Variants in CMIP observed in about 807,000 individuals in gnomAD.
The protein encoded by CMIP is C-Maf-inducing protein.
CMIP carries 13 observed loss-of-function variants against 97.3 expected under a neutral mutation model. The ratio of observed to expected loss-of-function variants is 0.13; its 90% CI spans 0.09 to 0.21. CMIP has a LOEUF of 0.21. Among genes scored for constraint, CMIP ranks in the 10% least tolerant of loss-of-function variants. The probability of loss-of-function intolerance (pLI) is 1.00; values close to 1 mark genes in which losing one functional copy is unlikely to be tolerated. For missense variants in CMIP, 847 were observed against 1,024.9 expected (o/e 0.83, Z 2.37); for synonymous variants, 538 against 436.3 (o/e 1.23, Z -2.91).
intron 9 of CMIP, among the ~76,000 whole-genome samples, chr16:81,674,359 C>G (rs2092709577): frequency 6.6e-6 from 1 of 152,200 alleles, no homozygotes; most frequent in African/African-American, 2.4e-5. Context: ...TCTTGATCTC[C>G]TGACCTCGTG....
chr16:81,533,203 C>T (rs145991543), intron 1 of CMIP, among the ~76,000 whole-genome samples: 8 of 152,254 alleles, frequency 5.3e-5, no homozygotes, highest in African/African-American at 1.9e-4. Context: ...TTTATTATTC[C>T]ATCCCACTAG....
intron 1 of CMIP, chr16:81,519,482 C>A (rs1236499566): frequency 6.6e-6 from 1 of 152,248 alleles, no homozygotes; most frequent in Non-Finnish European, 1.5e-5. Context: ...CTCAGGCACA[C>A]CCTTGCTGGG....
intron 7 of CMIP, chr16:81,666,847 T>A (rs2092608643): frequency 6.6e-6 from 1 of 152,192 alleles, no homozygotes. Flanking sequence ...CCTCATGGAA[T>A]CCTAACAACA....
Position 81,453,697 on chromosome 16 carries a change from G to A in CMIP, c.300+8156G>A, listed in dbSNP as rs1906375161. ...CGTAACACGCAGCCCTGGCATCTGGGTGGCTTCATGCAGCCCAGTTCTTGC... is the reference window on the plus strand; with the variant it reads ...CGTAACACGCAGCCCTGGCATCTGGATGGCTTCATGCAGCCCAGTTCTTGC... On this transcript the variant is annotated intron_variant, in intron 1 of 20. Transcript: ENST00000537098. The surrounding 1 kb of genome is among the most constrained non-coding windows in gnomAD (Gnocchi z 4.0). Among the ~76,000 whole-genome samples the A allele has an allele frequency of 6.6e-6, 1 of 152,254 alleles. No individual in the cohort carries two copies. The highest frequency in any genetic ancestry group is 1.5e-5 in the Non-Finnish European group (1 of 68,042).
intron 1 of CMIP, among the ~76,000 whole-genome samples, chr16:81,578,691 A>G (rs938321065): frequency 2.0e-5 from 3 of 152,204 alleles, no homozygotes; most frequent in Non-Finnish European, 4.4e-5. Flanking sequence ...GGTTTTTTGC[A>G]CGTGGGAGAC....
intron 3 of CMIP, among the ~76,000 whole-genome samples, chr16:81,636,598 A>G (rs937406420): frequency 1.3e-5 from 2 of 149,992 alleles, no homozygotes; most frequent in South Asian, 4.2e-4. Flanking sequence ...AAAAAAAAAA[A>G]AAAGTATGGC....
chr16:81,547,927 C>T (rs1391955650), intron 1 of CMIP, among the ~76,000 whole-genome samples: 1 of 152,158 alleles, frequency 6.6e-6, no homozygotes, highest in Non-Finnish European at 1.5e-5. Flanking sequence ...TCTGCTCTTC[C>T]TGTCACCCGA....
At chr16:81,471,130 CAT>C (rs1907508536) in intron 1 of CMIP, among the ~76,000 whole-genome samples, 1 of 152,216 alleles carries the variant, frequency 6.6e-6, no homozygotes, top group Non-Finnish European at 1.5e-5. Flanking sequence ...TGCATATACA[CAT>C]ATACATGCAT....
intron 10 of CMIP, among the ~76,000 whole-genome samples, chr16:81,685,033 T>C (rs1905239392): frequency 6.6e-6 from 1 of 152,190 alleles, no homozygotes; most frequent in African/African-American, 2.4e-5. Context: ...GAGAGGCCCA[T>C]GCACAAGAGG....
chr16:81,632,305 C>T (rs1295238452), intron 3 of CMIP, among the ~76,000 whole-genome samples: 1 of 152,246 alleles, frequency 6.6e-6, no homozygotes, highest in Non-Finnish European at 1.5e-5. Context: ...TCTACTCCTT[C>T]AAGTCCATTT....
At chr16:81,454,553 C>T (rs551426553) in intron 1 of CMIP, among the ~76,000 whole-genome samples, 13 of 152,202 alleles carry the variant, frequency 8.5e-5, no homozygotes, top group Non-Finnish European at 1.3e-4. Flanking sequence ...TGAATGCCAG[C>T]TATTCGTAAA....
At chr16:81,695,808 G>A (rs1325851037) in intron 13 of CMIP, 1 of 153,066 alleles carries the variant, frequency 6.5e-6, no homozygotes, top group East Asian at 1.9e-4. Flanking sequence ...TTTTGGCACT[G>A]AAATTGCCCC....
intron 1 of CMIP, among the ~76,000 whole-genome samples, chr16:81,553,812 A>G (rs1235718643): frequency 6.6e-6 from 1 of 152,248 alleles, no homozygotes; most frequent in Non-Finnish European, 1.5e-5. Context: ...ATGAGCTTCT[A>G]ATTAGCAAAG....
At chr16:81,660,305 A>G (rs1415522202) in intron 5 of CMIP, among the ~76,000 whole-genome samples, 1 of 149,730 alleles carries the variant, frequency 6.7e-6, no homozygotes, top group Non-Finnish European at 1.5e-5. Flanking sequence ...GCAGAGTCTC[A>G]CTCTGTCACC....
At chr16:81,658,648 A>G (rs920766749) in intron 5 of CMIP, among the ~76,000 whole-genome samples, 1 of 152,272 alleles carries the variant, frequency 6.6e-6, no homozygotes, top group Non-Finnish European at 1.5e-5. Context: ...CAAGAGCACA[A>G]AGATTTAAAG....
At chr16:81,561,809 C>G (rs931460537) in intron 1 of CMIP, among the ~76,000 whole-genome samples, 1 of 152,224 alleles carries the variant, frequency 6.6e-6, no homozygotes, top group Non-Finnish European at 1.5e-5. Flanking sequence ...GTTGAAAATT[C>G]AGTTCCTCAG....
At chr16:81,471,159 A>G (rs1375335764) in intron 1 of CMIP, among the ~76,000 whole-genome samples, 2 of 152,232 alleles carry the variant, frequency 1.3e-5, no homozygotes, top group South Asian at 2.1e-4. Flanking sequence ...GTACATATAC[A>G]CGTATACACA....
intron 1 of CMIP, among the ~76,000 whole-genome samples, chr16:81,604,651 G>C (rs966901596): frequency 6.6e-6 from 1 of 152,186 alleles, no homozygotes; most frequent in African/African-American, 2.4e-5. Flanking sequence ...AGTGAGCCGA[G>C]ATCGCGCCAC....
chr16:81,446,406 A>G (rs1905845026), intron 1 of CMIP, among the ~76,000 whole-genome samples: 1 of 151,298 alleles, frequency 6.6e-6, no homozygotes, highest in Admixed American at 6.6e-5. Flanking sequence ...TCGTACGTGG[A>G]GAAAGACAGC....
Sources: allele counts gnomAD v4.1 joint callset (sites outside exome capture counted in the v4.1 genomes callset), GRCh38; gene constraint gnomAD v4.1.1; non-coding constraint Gnocchi (gnomAD v3.1); transcripts MANE v1.5; gene names NCBI Gene and HGNC (gene_info 2026-07-23, HGNC 2026-07-21).